LYPLAL1: variants seen among roughly 807,000 people sequenced by gnomAD.
LYPLAL1 encodes the protein lysophospholipase-like protein 1.
In LYPLAL1, 23 loss-of-function variants were observed where a neutral mutation model predicts 19.7. The observed-to-expected ratio is 1.17, with a 90% confidence interval of 0.84 to 1.65. The LOEUF (loss-of-function observed/expected upper bound fraction) is 1.65. Ranked by LOEUF, LYPLAL1 falls within the 40% of genes most tolerant of loss-of-function variation. The probability of loss-of-function intolerance (pLI) is 0.00; values close to 1 mark genes in which losing one functional copy is unlikely to be tolerated. For synonymous variants in LYPLAL1, 119 were observed against 96.3 expected, an observed-to-expected ratio of 1.24 and a Z score of -1.38; for missense variants, 355 against 279.4, an observed-to-expected ratio of 1.27 and a Z score of -1.93.
At chr1:219,269,461 A>T in the LYPLAL1 span, among the ~76,000 whole-genome samples, 1 of 151,768 alleles carries the variant, frequency 6.6e-6, no homozygotes, top group Non-Finnish European at 1.5e-5. Context: ...ATAGCAGAAT[A>T]AGTCACCTCA....
chr1:219,176,409 G>A (rs1434781568), intron 1 of LYPLAL1, among the ~76,000 whole-genome samples: 1 of 152,164 alleles, frequency 6.6e-6, no homozygotes, highest in African/African-American at 2.4e-5. Context: ...TTCTTGTGTG[G>A]TAAGGCTCAG....
rs144027814 is a variant in LYPLAL1, at chr1:219,202,732, C to T, written c.362-7800C>T. On this transcript the variant is annotated intron_variant, in intron 3 of 4. Transcript: ENST00000366928. ...TTGCTGTGTTGCCCAGGCTGAAGTG[C>T]AGTGGCGTGATCATAGCTCACTGCA... 4.4e-3 allele frequency among the ~76,000 whole-genome samples: 670 copies of T among 152,132 alleles called. 2 individuals carry two copies. The highest frequency in any genetic ancestry group is 0.02 in the Middle Eastern group (6 of 294).
rs1360197734 is a variant in LYPLAL1 at position 219,205,381 on chromosome 1, A to C, written c.362-5151A>C. Among the ~76,000 whole-genome samples, 8 of 148,568 alleles carry C rather than the reference A, an allele frequency of 5.4e-5. No homozygotes were observed. The East Asian group carries it at 1.6e-3, about 30-fold the overall frequency. On this transcript the variant is annotated intron_variant, in intron 3 of 4. Coordinates refer to ENST00000366928, the MANE Select transcript of LYPLAL1 (RefSeq NM_138794.5). ...TCCGTCTCAAAAAAAAAAAAAAACA[A>C]AAAAAACAAAAGCACTCAGTAAGTA...
chr1:219,334,295 C>G, the LYPLAL1 span, among the ~76,000 whole-genome samples: 1 of 151,966 alleles, frequency 6.6e-6, no homozygotes, highest in Non-Finnish European at 1.5e-5. Context: ...TGTTGGACTG[C>G]TTTGATCATC....
At chr1:219,411,070 T>G in the LYPLAL1 span, among the ~76,000 whole-genome samples, 1 of 152,350 alleles carries the variant, frequency 6.6e-6, no homozygotes, top group African/African-American at 2.4e-5. Context: ...CAGCTCCACC[T>G]GCAGCCCCGG....
the LYPLAL1 span, among the ~76,000 whole-genome samples, chr1:219,301,671 G>T: frequency 6.6e-6 from 1 of 151,828 alleles, no homozygotes; most frequent in Non-Finnish European, 1.5e-5. Context: ...TTACTCAATT[G>T]CCCCCCAGAA....
At chr1:219,296,839 T>C in the LYPLAL1 span, among the ~76,000 whole-genome samples, 1 of 152,276 alleles carries the variant, frequency 6.6e-6, no homozygotes, top group Admixed American at 6.5e-5. Context: ...TACAGATAGT[T>C]TATAACTATT....
the LYPLAL1 span, among the ~76,000 whole-genome samples, chr1:219,247,227 A>G: frequency 2.2e-4 from 33 of 152,334 alleles, no homozygotes; most frequent in African/African-American, 7.7e-4. Flanking sequence ...ATAGTCAATA[A>G]ATGTTCATTC....
chr1:219,265,610 T>C, the LYPLAL1 span, among the ~76,000 whole-genome samples: 1 of 152,170 alleles, frequency 6.6e-6, no homozygotes, highest in Non-Finnish European at 1.5e-5. Flanking sequence ...ATCATACATT[T>C]CTATTGTAGT....
the LYPLAL1 span, among the ~76,000 whole-genome samples, chr1:219,305,905 C>T: frequency 2.2e-4 from 34 of 152,278 alleles, no homozygotes; most frequent in South Asian, 1.0e-3. Context: ...TTTGTTTATG[C>T]GGTATTTTAT....
the LYPLAL1 span, among the ~76,000 whole-genome samples, chr1:219,439,073 A>G: frequency 3.4e-4 from 51 of 151,828 alleles, no homozygotes; most frequent in South Asian, 0.011. Context: ...TTACCTTCAA[A>G]CTCATTTCTG....
chr1:219,260,857 G>A, the LYPLAL1 span, among the ~76,000 whole-genome samples: 1 of 151,500 alleles, frequency 6.6e-6, no homozygotes, highest in Non-Finnish European at 1.5e-5. Flanking sequence ...TAGAAATTAG[G>A]TTCTATAGGC....
At chr1:219,351,601 G>A in the LYPLAL1 span, among the ~76,000 whole-genome samples, 185 of 151,572 alleles carry the variant, frequency 1.2e-3, no homozygotes, top group Non-Finnish European at 1.9e-3. Context: ...CATTGATGGC[G>A]AATGTTCTTA....
At chr1:219,341,018 T>A in the LYPLAL1 span, among the ~76,000 whole-genome samples, 25 of 152,096 alleles carry the variant, frequency 1.6e-4, no homozygotes, top group Admixed American at 6.6e-5. Context: ...TTTATCTTAA[T>A]GTGCAAGGCC....
intron 3 of LYPLAL1, among the ~76,000 whole-genome samples, chr1:219,202,179 A>G (rs913949301): frequency 1.3e-5 from 2 of 152,236 alleles, no homozygotes; most frequent in African/African-American, 2.4e-5. Flanking sequence ...TGTGTCTTGG[A>G]TGATGGTAAT....
At chr1:219,295,795 T>G in the LYPLAL1 span, among the ~76,000 whole-genome samples, 1 of 152,176 alleles carries the variant, frequency 6.6e-6, no homozygotes, top group Non-Finnish European at 1.5e-5. Context: ...ATTTCTCTTT[T>G]GCTTACAGAA....
chr1:219,420,143 TTGAC>T, the LYPLAL1 span, among the ~76,000 whole-genome samples: 1 of 152,336 alleles, frequency 6.6e-6, no homozygotes, highest in East Asian at 1.9e-4. Flanking sequence ...AGGAAAGGAA[TTGAC>T]TTGTGAACTC....
the LYPLAL1 span, among the ~76,000 whole-genome samples, chr1:219,410,862 C>G: frequency 1.3e-5 from 2 of 152,252 alleles, no homozygotes; most frequent in African/African-American, 2.4e-5. Flanking sequence ...CGCTCGATTT[C>G]TCGCCGGGCC....
At chr1:219,296,004 C>G in the LYPLAL1 span, among the ~76,000 whole-genome samples, 3 of 152,072 alleles carry the variant, frequency 2.0e-5, no homozygotes, top group Non-Finnish European at 1.5e-5. Context: ...TCTAAGTGTG[C>G]CTTTTCCCTC....
Sources: allele counts gnomAD v4.1 joint callset (sites outside exome capture counted in the v4.1 genomes callset), GRCh38; gene constraint gnomAD v4.1.1; transcripts MANE v1.5; gene names NCBI Gene and HGNC (gene_info 2026-07-23, HGNC 2026-07-21).